LRRC37A3: variants seen among roughly 807,000 people sequenced by gnomAD.
The protein encoded by LRRC37A3 is leucine rich repeat containing 37 member A3, also known as leucine-rich repeat-containing protein 37A3.
In LRRC37A3, 25 loss-of-function variants were observed where a neutral mutation model predicts 106.2. The ratio of observed to expected loss-of-function variants is 0.24; its 90% confidence interval spans 0.17 to 0.33. The LOEUF (loss-of-function observed/expected upper bound fraction) is 0.33, where lower values mean the gene tolerates loss of function less well. Ranked by LOEUF, LRRC37A3 falls within the 10% of genes least tolerant of loss-of-function variation. The pLI is 1.00. For missense variants in LRRC37A3, 712 were observed against 1,644.9 expected, an observed-to-expected ratio of 0.43 and a Z score of 9.81; for synonymous variants, 305 against 635.8, an observed-to-expected ratio of 0.48 and a Z score of 7.83.
chr17:64,858,826 C>T lies in LRRC37A3; in HGVS notation c.4762G>A (p.Val1588Met). 6.2e-7 allele frequency: 1 copy of T among 1,611,518 alleles called. No homozygotes were observed. The highest frequency in any genetic ancestry group is 8.5e-7 in the Non-Finnish European group (1 of 1,178,840). ...ATCAAAATCGTTAGTATTCCAGTCA[C>T]AATTAACGCCAAGATGAGTTTTTTG... ...YTKKLILALI[V>M]TGILTILIIL... Residue 1588 changes from valine (V) to methionine (M), a missense_variant, in exon 13 of 15, where the codon GTG becomes ATG. Physicochemically the swap from Val to Met is conservative, Grantham distance 21 (BLOSUM62 1). Coordinates refer to ENST00000584306, the MANE Select transcript of LRRC37A3 (RefSeq NM_199340.5).
intron 5 of LRRC37A3, among the ~76,000 whole-genome samples, chr17:64,890,794 T>G (rs1567777556): frequency 7.0e-6 from 1 of 142,814 alleles, no homozygotes; most frequent in Non-Finnish European, 1.5e-5. Context: ...ATCGCACCAT[T>G]GCACTCCAGC....
chr17:64,870,741 G>C (rs1973284232), intron 8 of LRRC37A3, among the ~76,000 whole-genome samples: 1 of 151,988 alleles, frequency 6.6e-6, no homozygotes, highest in African/African-American at 2.4e-5. Context: ...TTTAACCTTA[G>C]GTTTTTTAAA....
chr17:64,865,419 C>T (rs1488711490), intron 10 of LRRC37A3, among the ~76,000 whole-genome samples: 2 of 152,240 alleles, frequency 1.3e-5, no homozygotes, highest in African/African-American at 2.4e-5. Flanking sequence ...GCTGGGATTA[C>T]AGGCATGAGC....
intron 10 of LRRC37A3, among the ~76,000 whole-genome samples, chr17:64,866,610 ATATATATATATATATATATTTTTTTT>A (rs1567766585): frequency 2.5e-4 from 5 of 20,210 alleles, no homozygotes; most frequent in African/African-American, 1.5e-3. Context: ...ATATATATAT[ATATATATATATATATATATTTTTTTT>A]TTTTTTTTTT....
At chr17:64,883,335 T>G (rs2143518293) in intron 8 of LRRC37A3, among the ~76,000 whole-genome samples, 1 of 151,454 alleles carries the variant, frequency 6.6e-6, no homozygotes, top group South Asian at 2.1e-4. Context: ...CCTGCTAACT[T>G]GGCCAGTCAG....
intron 12 of LRRC37A3, 79 bp from the exon 13 acceptor site, chr17:64,858,962 T>C: frequency 3.9e-6 from 4 of 1,030,212 alleles, no homozygotes; most frequent in Non-Finnish European, 5.9e-6. Context: ...AGGTTCTTTT[T>C]TATTTTTTTG....
At chr17:64,884,422 A>G (rs557819594) in intron 8 of LRRC37A3, among the ~76,000 whole-genome samples, 1,634 of 151,282 alleles carry the variant, frequency 0.011, 25 homozygotes, top group African/African-American at 0.038. Flanking sequence ...CTGGAGTGCA[A>G]TGGTGCCATC....
At chr17:64,858,153 T>C (rs1344823984) in intron 13 of LRRC37A3, among the ~76,000 whole-genome samples, 2 of 152,130 alleles carry the variant, frequency 1.3e-5, no homozygotes, top group African/African-American at 4.8e-5. Flanking sequence ...CAAGAAATGG[T>C]GACACATCTC....
chr17:64,858,706 T>C (rs1283589217), intron 13 of LRRC37A3, 73 bp downstream of exon 13: 2 of 1,212,644 alleles, frequency 1.6e-6, no homozygotes, highest in African/African-American at 3.0e-5. Context: ...GCTTTGGTTT[T>C]CAGTTTGTGA....
At chr17:64,910,637 C>CTTTTTTTTTTTTTTTTTTTT (rs926231139) in intron 2 of LRRC37A3, among the ~76,000 whole-genome samples, 1 of 96,478 alleles carries the variant, frequency 1.0e-5, no homozygotes, top group African/African-American at 4.4e-5. Context: ...ATTGTCCCCC[C>CTTTTTTTTTTTTTTTTTTTT]TTTTTTTTTT....
intron 1 of LRRC37A3, among the ~76,000 whole-genome samples, 187 bp downstream of exon 1, chr17:64,919,244 C>T (rs1190214554): frequency 6.6e-6 from 1 of 152,060 alleles, no homozygotes. Flanking sequence ...TCGGCCTGCC[C>T]CGCCGGCCCC....
intron 12 of LRRC37A3, 70 bp downstream of exon 12, chr17:64,859,372 G>A (rs1415367833): frequency 1.1e-5 from 16 of 1,405,716 alleles, no homozygotes; most frequent in Admixed American, 7.0e-5. Flanking sequence ...AGATTCTTCT[G>A]TGTGGGCACT....
At chr17:64,881,034 A>G (rs1202626225) in intron 8 of LRRC37A3, 3 of 678,724 alleles carry the variant, frequency 4.4e-6, no homozygotes, top group African/African-American at 1.8e-5. Flanking sequence ...TCAAAGAAAT[A>G]AGCAGATGAC....
rs1383520003 is a variant in LRRC37A3 at position 64,860,828 on chromosome 17, C to T, written c.3318G>A (p.Glu1106=). ...CACTCTCGTCATTGGTGTCTAGCTG[C>T]TCACTCCCAAAGCCTGACAAGTTGA... The part of the protein sequence containing the change: ...SGINLSGFGS[E]QLDTNDESDV... The change falls in exon 12 of 15, where the codon GAG becomes GAA. Residue 1106 remains glutamate, a synonymous_variant. Coordinates refer to ENST00000584306, the MANE Select transcript of LRRC37A3 (RefSeq NM_199340.5). The T allele has an allele frequency of 6.2e-7, 1 of 1,614,092 alleles. No homozygotes were observed. Among genetic ancestry groups the T allele is most frequent in the African/African-American group, 1.3e-5 (1 of 74,926 alleles).
chr17:64,855,931 A>C (rs745522266), intron 13 of LRRC37A3, 42 bp from the exon 14 acceptor site: 3 of 1,611,368 alleles, frequency 1.9e-6, no homozygotes, highest in Non-Finnish European at 2.5e-6. Flanking sequence ...CTATGACAAC[A>C]ACCACCATCT....
intron 11 of LRRC37A3, among the ~76,000 whole-genome samples, chr17:64,862,534 A>G (rs1219038397): frequency 2.6e-5 from 4 of 151,820 alleles, no homozygotes; most frequent in South Asian, 4.2e-4. Context: ...TTGAGATCTC[A>G]TGGATTTAAA....
Position 64,869,096 on chromosome 17 carries a change from G to A in LRRC37A3, c.2977C>T (p.Leu993=). The change falls in exon 9 of 15, where the codon CTA becomes TTA. Residue 993 remains leucine (L), a splice_region_variant and synonymous_variant. Transcript: ENST00000584306. ...TCATGAGAGTACTATAGTACTTACA[G>A]ATATTTTAATGCTGGCAATTTAAAG... is the stretch of plus-strand genomic sequence containing the variant. ...YLFKLPALKY[L]DMGTTLVPLT... 1 of 1,611,590 alleles carries A rather than the reference G, an allele frequency of 6.2e-7. No individual in the cohort carries two copies. Among genetic ancestry groups the A allele is most frequent in the South Asian group, 1.1e-5 (1 of 90,368 alleles).
Position 64,919,460 on chromosome 17 carries a change from T to C in LRRC37A3, c.-646A>G, listed in dbSNP as rs1205798208. The C allele has an allele frequency of 4.2e-6, 2 of 474,632 alleles. No homozygotes were observed. The highest frequency in any genetic ancestry group is 7.5e-6 in the Non-Finnish European group (2 of 268,300). The allele number at this position is 474,632 out of a possible 1,614,324, so 29.4% of individuals were successfully genotyped here. A position where few individuals can be genotyped will look rare whatever the true frequency, so the allele number is the denominator to read the frequency against. Reference sequence around the variant, plus strand: ...GATCGCCTTCAGCCGCCATCTTGTTTCTTCCGTTACCGGAGCGCGGTCACG... The same window carrying C: ...GATCGCCTTCAGCCGCCATCTTGTTCCTTCCGTTACCGGAGCGCGGTCACG... On this transcript the variant is annotated 5_prime_UTR_variant, in exon 1 of 15. Coordinates refer to ENST00000584306, the MANE Select transcript of LRRC37A3 (RefSeq NM_199340.5).
At chr17:64,901,238 C>A (rs1598431227) in intron 2 of LRRC37A3, 1 of 151,064 alleles carries the variant, frequency 6.6e-6, no homozygotes, top group East Asian at 1.9e-4. Flanking sequence ...CAGATAGGAA[C>A]TAAGGAATAA....
Sources: allele counts gnomAD v4.1 joint callset (sites outside exome capture counted in the v4.1 genomes callset), GRCh38; gene constraint gnomAD v4.1.1; transcripts MANE v1.5; gene names NCBI Gene and HGNC (gene_info 2026-07-23, HGNC 2026-07-21).